The following SDK2 variants were observed in gnomAD, a reference collection of about 807,000 sequenced individuals.
SDK2 encodes sidekick cell adhesion molecule 2.
In SDK2, 105 loss-of-function variants were observed where a neutral mutation model predicts 253.9. The ratio of observed to expected loss-of-function variants is 0.41; its 90% CI spans 0.35 to 0.49. The LOEUF (loss-of-function observed/expected upper bound fraction) is 0.49, where lower values mean the gene tolerates loss of function less well. SDK2 is among the 20% of genes least tolerant of loss of function. SDK2 has a pLI of 0.06. For synonymous variants in SDK2, 1,249 were observed against 1,234.9 expected (o/e 1.01, Z -0.24); for missense variants, 2,608 against 3,003.0 (o/e 0.87, Z 3.07).
intron 1 of SDK2, among the ~76,000 whole-genome samples, chr17:73,542,632 G>C (rs1236204962): frequency 1.3e-5 from 2 of 152,262 alleles, no homozygotes; most frequent in Admixed American, 1.3e-4. Flanking sequence ...GGATTATGAG[G>C]CAGCAAGGGG....
intron 2 of SDK2, among the ~76,000 whole-genome samples, chr17:73,494,251 A>G (rs1428294625): frequency 6.6e-6 from 1 of 152,216 alleles, no homozygotes; most frequent in African/African-American, 2.4e-5. Flanking sequence ...ATGTGAACTC[A>G]TGCCATGTCC....
chr17:73,509,967 C>T (rs1051727830), intron 1 of SDK2, among the ~76,000 whole-genome samples: 2 of 144,654 alleles, frequency 1.4e-5, no homozygotes, highest in Non-Finnish European at 3.0e-5. Flanking sequence ...ACAAACCAAC[C>T]GAAGAAGAGG....
Position 73,423,455 on chromosome 17 carries a change from G to A in SDK2, c.1828C>T (p.Leu610=). ...LSTVERRAIN[L]TWTKPFDGNS... ...CCATCAAAGGGCTTGGTCCACGTCAGGTTGATGGCTCGCCTTTCCACGGTG... is the reference window on the plus strand; with the variant it reads ...CCATCAAAGGGCTTGGTCCACGTCAAGTTGATGGCTCGCCTTTCCACGGTG... Residue 610 remains leucine (L), a synonymous_variant, in exon 14 of 45, where the codon CTG becomes TTG. Coordinates refer to ENST00000392650, the MANE Select transcript of SDK2 (RefSeq NM_001144952.2). 1 of 1,594,602 alleles carries A rather than the reference G, an allele frequency of 6.3e-7. No individual in the cohort carries two copies. The highest frequency in any genetic ancestry group is 8.6e-7 in the Non-Finnish European group (1 of 1,168,528).
intron 1 of SDK2, among the ~76,000 whole-genome samples, chr17:73,542,618 G>A (rs2044887105): frequency 6.6e-6 from 1 of 152,140 alleles, no homozygotes; most frequent in Non-Finnish European, 1.5e-5. Context: ...GTGGAGGCAG[G>A]GCAGGATTAT....
At chr17:73,384,439 C>T (rs1246933777) in intron 32 of SDK2, among the ~76,000 whole-genome samples, 9 of 152,190 alleles carry the variant, frequency 5.9e-5, no homozygotes, top group African/African-American at 1.7e-4. Context: ...GATAACACTT[C>T]CTGGTGTTTC....
rs983205823 is a variant in SDK2, at chr17:73,399,278, G to T, written c.2983C>A (p.Pro995Thr). ...TTGGAAATGCCCAGGTTGGTGGGGG[G>T]CCCTGGGAGTTCTGGAAAAGGAGAA... ...SSGVPPELPG[P>T]PTNLGISNIG... Residue 995 changes from proline to threonine, a missense_variant, in exon 22 of 45, where the codon CCC (proline) becomes ACC (threonine). By Grantham distance (38) the Pro-to-Thr change is conservative. Coordinates refer to ENST00000392650, the MANE Select transcript of SDK2 (RefSeq NM_001144952.2). 1 of 1,613,562 alleles carries T rather than the reference G, an allele frequency of 6.2e-7. No individual in the cohort carries two copies. The highest frequency in any genetic ancestry group is 1.1e-5 in the South Asian group (1 of 91,072).
chr17:73,497,754 G>A (rs2063854837), intron 2 of SDK2, among the ~76,000 whole-genome samples: 1 of 151,958 alleles, frequency 6.6e-6, no homozygotes. Context: ...CCTGAGCAAA[G>A]ATTTGAAACA....
At chr17:73,543,874 G>A (rs1599665253) in intron 1 of SDK2, among the ~76,000 whole-genome samples, 3 of 152,208 alleles carry the variant, frequency 2.0e-5, no homozygotes, top group African/African-American at 7.2e-5. Context: ...GGCCACCCAT[G>A]GGTCCCAGAC....
chr17:73,438,715 C>T (rs974002616), intron 6 of SDK2, among the ~76,000 whole-genome samples: 7 of 152,172 alleles, frequency 4.6e-5, no homozygotes, highest in African/African-American at 1.7e-4. Flanking sequence ...GCCTGGCTTT[C>T]CACCATCACC....
At chr17:73,631,951 A>G (rs1333841711) in intron 1 of SDK2, among the ~76,000 whole-genome samples, 1 of 152,174 alleles carries the variant, frequency 6.6e-6, no homozygotes, top group East Asian at 1.9e-4. Flanking sequence ...GCCTGGCCCA[A>G]ATTAAGAGGG....
At chr17:73,439,326 G>A (rs187887217) in intron 6 of SDK2, among the ~76,000 whole-genome samples, 1 of 152,276 alleles carries the variant, frequency 6.6e-6, no homozygotes, top group East Asian at 1.9e-4. Context: ...CCATGTCTCA[G>A]GTATTCCTTT....
intron 40 of SDK2, chr17:73,357,829 C>A: frequency 1.6e-6 from 1 of 618,632 alleles, no homozygotes; most frequent in South Asian, 1.6e-5. Context: ...CAATCCTCAA[C>A]CCAAGCTGGT....
chr17:73,435,578 C>T lies in SDK2; in HGVS notation c.1067G>A (p.Arg356His), dbSNP rs748869988. The T allele has an allele frequency of 6.3e-6, 10 of 1,582,484 alleles. No homozygotes were observed. Among genetic ancestry groups the T allele is most frequent in the East Asian group, 4.7e-5 (2 of 42,900 alleles). The change falls in exon 9 of 45, where the codon CGC becomes CAC. Residue 356 changes from arginine to histidine, a missense_variant. This residue lies in a region of SDK2 where 1,505 missense variants were observed against 1,859.1 expected (regional missense o/e 0.81). Coordinates refer to ENST00000392650, the MANE Select transcript of SDK2 (RefSeq NM_001144952.2). The surrounding 1 kb of genome is among the most constrained non-coding windows in gnomAD (Gnocchi z 5.7). ...GCCCCCGTCGTTGCGCTGCCGGAAGCGGGTCAACTTCTCCACCTCCACCAC... is the reference window on the plus strand; with the variant it reads ...GCCCCCGTCGTTGCGCTGCCGGAAGTGGGTCAACTTCTCCACCTCCACCAC... ...AAVVEVEKLT[R>H]FRQRNDGGLQ...
chr17:73,402,137 A>G lies in SDK2; in HGVS notation c.2489T>C (p.Ile830Thr), dbSNP rs374610597. ...INGINQGYKLIAWEPEQEEEV... is the reference protein window; with the variant it reads ...INGINQGYKLTAWEPEQEEEV... ...CTCTTCCTGTTCCGGCTCCCAGGCG[A>G]TCAGCTGCGGAGAGGCGAGCAAGTC... The change falls in exon 19 of 45, where the codon ATC becomes ACC. Residue 830 changes from isoleucine to threonine, a missense_variant. Coordinates refer to ENST00000392650, the MANE Select transcript of SDK2 (RefSeq NM_001144952.2). The G allele has an allele frequency of 8.1e-6, 13 of 1,613,092 alleles. No homozygotes were observed. The African/African-American group carries it at 1.5e-4, about 18-fold the overall frequency.
chr17:73,419,401 G>A, intron 15 of SDK2, 95 bp from the exon 16 acceptor site: 1 of 1,372,274 alleles, frequency 7.3e-7, no homozygotes, highest in Non-Finnish European at 1.0e-6. Flanking sequence ...CTCTGACTCT[G>A]GATAATTCGG....
At chr17:73,549,627 G>A (rs960874710) in intron 1 of SDK2, among the ~76,000 whole-genome samples, 1 of 152,016 alleles carries the variant, frequency 6.6e-6, no homozygotes, top group East Asian at 1.9e-4. Flanking sequence ...AAGCCCTGAA[G>A]GATGGATGGG....
chr17:73,535,374 A>G (rs913651263), intron 1 of SDK2, among the ~76,000 whole-genome samples: 1 of 152,160 alleles, frequency 6.6e-6, no homozygotes, highest in African/African-American at 2.4e-5. Flanking sequence ...GCTGACAGGA[A>G]AAATGACATG....
chr17:73,476,854 C>G (rs1482346928), intron 2 of SDK2, among the ~76,000 whole-genome samples: 1 of 152,192 alleles, frequency 6.6e-6, no homozygotes, highest in Admixed American at 6.5e-5. Context: ...TCCCCTCCCC[C>G]AGGCCGCCCT....
chr17:73,483,813 G>C (rs1343780438), intron 2 of SDK2, among the ~76,000 whole-genome samples: 2 of 148,856 alleles, frequency 1.3e-5, no homozygotes, highest in African/African-American at 5.0e-5. Context: ...AAAGTGCTGG[G>C]ATTACAGGCA....
Sources: gnomAD v4.1 joint callset for allele counts (sites outside exome capture counted in the v4.1 genomes callset) on GRCh38, gnomAD v4.1.1 for gene constraint, gnomAD v4.1.1 regional missense constraint, Gnocchi (gnomAD v3.1) non-coding constraint, MANE v1.5 for transcripts, NCBI Gene and HGNC (gene_info 2026-07-23, HGNC 2026-07-21) for gene names.